Variants in NPY2R observed in about 807,000 individuals in gnomAD.
NPY2R encodes neuropeptide Y receptor Y2, also known as neuropeptide Y receptor type 2.
Under a neutral mutation model 22.3 loss-of-function variants are expected in NPY2R, and 17 were observed. That is an observed-to-expected ratio of 0.76 (90% CI 0.52 to 1.14). The LOEUF (loss-of-function observed/expected upper bound fraction) is 1.14, where lower values mean the gene tolerates loss of function less well. NPY2R is among the 50% of genes most tolerant of loss of function. The pLI, the probability that NPY2R is intolerant of heterozygous loss-of-function variation, is 0.00. For missense variants in NPY2R, 424 were observed against 467.9 expected (o/e 0.91, Z 0.87); for synonymous variants, 209 against 183.4 (o/e 1.14, Z -1.13).
At chr4:155,175,336 T>C in the NPY2R span, among the ~76,000 whole-genome samples, 3 of 152,110 alleles carry the variant, frequency 2.0e-5, no homozygotes, top group African/African-American at 4.8e-5. Flanking sequence ...TATTTAAAGT[T>C]TTTAAAAGTG....
chr4:155,211,610 A>G (rs1481105816), intron 1 of NPY2R, among the ~76,000 whole-genome samples: 2 of 152,352 alleles, frequency 1.3e-5, no homozygotes, highest in Non-Finnish European at 2.9e-5. Flanking sequence ...TAATGAAAGC[A>G]TACATGTATG....
At position 155,208,676 on chromosome 4, in the gene NPY2R, ACTT is replaced by A. The variant is rs1314990010; in HGVS notation, c.-439_-437del. On this transcript the variant is annotated 5_prime_UTR_variant, in exon 1 of 2. Transcript: ENST00000329476. This position sits in a 1 kb window ranked among gnomAD's most constrained non-coding sequence, Gnocchi z 5.6. Reference sequence around the variant, plus strand: ...CTGTTCCTGCTCCCTCGCCACCAAAACTTCTCCTCCAGTCCCCTCCCCTGCAGG... The same window carrying A: ...CTGTTCCTGCTCCCTCGCCACCAAAACTCCTCCAGTCCCCTCCCCTGCAGG... 1 of 152,426 alleles carries A rather than the reference ACTT, an allele frequency of 6.6e-6. No homozygotes were observed. The highest frequency in any genetic ancestry group is 1.5e-5 in the Non-Finnish European group (1 of 68,534). The allele number at this position is 152,426 out of a possible 1,614,324, so 9.4% of individuals were successfully genotyped here.
chr4:155,174,724 T>C, the NPY2R span, among the ~76,000 whole-genome samples: 1 of 151,660 alleles, frequency 6.6e-6, no homozygotes, highest in African/African-American at 2.4e-5. Context: ...TGGGAACAAG[T>C]GTAAAAAGTC....
Position 155,215,467 on chromosome 4 carries a change from G to A in NPY2R, c.*382G>A. The A allele has an allele frequency of 3.0e-6, 1 of 338,506 alleles. No homozygotes were observed. The highest frequency in any genetic ancestry group is 7.9e-5 in the East Asian group (1 of 12,644). The allele number at this position is 338,506 out of a possible 1,614,324, so 21.0% of individuals were successfully genotyped here. A position where few individuals can be genotyped will look rare whatever the true frequency, so the allele number is the denominator to read the frequency against. ...AAATCACGTTAGGACCTGGATTGAG[G>A]AGGTGTGCAGTTCGCTGCTCCCTGC... On this transcript the variant is annotated 3_prime_UTR_variant, in exon 2 of 2. Coordinates refer to ENST00000329476, the MANE Select transcript of NPY2R (RefSeq NM_000910.4).
the NPY2R span, among the ~76,000 whole-genome samples, chr4:155,190,404 T>C: frequency 6.6e-6 from 1 of 151,892 alleles, no homozygotes; most frequent in Non-Finnish European, 1.5e-5. Context: ...ATAGATTAAA[T>C]AAATGATCAA....
chr4:155,212,293 T>C (rs940551840), intron 1 of NPY2R, among the ~76,000 whole-genome samples: 4 of 152,216 alleles, frequency 2.6e-5, no homozygotes, highest in Non-Finnish European at 5.9e-5. Context: ...TGTTGGGCTC[T>C]GAATGCTTTA....
chr4:155,176,115 T>C, the NPY2R span, among the ~76,000 whole-genome samples: 3 of 152,202 alleles, frequency 2.0e-5, no homozygotes, highest in Non-Finnish European at 2.9e-5. Flanking sequence ...AGACATCTTA[T>C]CCATCATGTT....
the NPY2R span, among the ~76,000 whole-genome samples, chr4:155,191,977 C>T: frequency 6.6e-6 from 1 of 151,812 alleles, no homozygotes; most frequent in Non-Finnish European, 1.5e-5. Flanking sequence ...ATTTTAAAGT[C>T]ACCACTTTAT....
the NPY2R span, among the ~76,000 whole-genome samples, chr4:155,181,243 AC>A: frequency 6.6e-6 from 1 of 152,018 alleles, no homozygotes; most frequent in African/African-American, 2.4e-5. Context: ...GGATATCTAG[AC>A]TCTTTTGATC....
At chr4:155,211,536 G>A (rs1199482367) in intron 1 of NPY2R, among the ~76,000 whole-genome samples, 1 of 152,184 alleles carries the variant, frequency 6.6e-6, no homozygotes, top group East Asian at 1.9e-4. Flanking sequence ...AAGGAGTTGG[G>A]ATTTTCTTCT....
the NPY2R span, among the ~76,000 whole-genome samples, chr4:155,190,105 T>C: frequency 3.9e-5 from 6 of 152,028 alleles, no homozygotes; most frequent in Non-Finnish European, 8.8e-5. Context: ...CACTTAAATG[T>C]TTTTAAAACC....
At chr4:155,190,014 G>A in the NPY2R span, among the ~76,000 whole-genome samples, 1 of 151,946 alleles carries the variant, frequency 6.6e-6, no homozygotes, top group Non-Finnish European at 1.5e-5. Context: ...GGAAGTCACT[G>A]AATGTACATC....
At chr4:155,212,284 G>T (rs770741839) in intron 1 of NPY2R, among the ~76,000 whole-genome samples, 1 of 152,186 alleles carries the variant, frequency 6.6e-6, no homozygotes, top group African/African-American at 2.4e-5. Context: ...CCACCATGGT[G>T]TTGGGCTCTG....
intron 1 of NPY2R, among the ~76,000 whole-genome samples, chr4:155,212,090 G>T (rs901843510): frequency 6.6e-6 from 1 of 152,156 alleles, no homozygotes; most frequent in Non-Finnish European, 1.5e-5. Context: ...GAGCTGGGGG[G>T]CACATAGGCC....
Position 155,214,961 on chromosome 4 carries a change from G to A in NPY2R, c.1022G>A (p.Arg341His), listed in dbSNP as rs1343285211. 6.2e-6 allele frequency: 10 copies of A among 1,614,086 alleles called. No homozygotes were observed. The highest frequency in any genetic ancestry group is 3.3e-5 in the Admixed American group (2 of 60,014). Residue 341 changes from arginine (R) to histidine (H), a missense_variant, in exon 2 of 2, where the codon CGC (arginine) becomes CAC (histidine). By Grantham distance (29) the Arg-to-His change is conservative. Coordinates refer to ENST00000329476, the MANE Select transcript of NPY2R (RefSeq NM_000910.4). Reference sequence around the variant, plus strand: ...AGAAAGGCTTTCCTCTCGGCCTTCCGCTGTGAGCAGCGGTTGGATGCCATT... The same window carrying A: ...AGAAAGGCTTTCCTCTCGGCCTTCCACTGTGAGCAGCGGTTGGATGCCATT... ...NYRKAFLSAF[R>H]CEQRLDAIHS...
the NPY2R span, among the ~76,000 whole-genome samples, chr4:155,184,421 A>G: frequency 1.3e-5 from 2 of 152,232 alleles, no homozygotes; most frequent in South Asian, 4.1e-4. Flanking sequence ...GTTTTAAGTT[A>G]TCTCACATTA....
the NPY2R span, among the ~76,000 whole-genome samples, chr4:155,175,424 T>C: frequency 2.4e-4 from 37 of 152,264 alleles, no homozygotes; most frequent in Non-Finnish European, 4.0e-4. Flanking sequence ...GTACTATCTG[T>C]ATTAAAACCA....
chr4:155,188,754 A>G, the NPY2R span, among the ~76,000 whole-genome samples: 1 of 152,112 alleles, frequency 6.6e-6, no homozygotes, highest in Non-Finnish European at 1.5e-5. Context: ...GCTAGCAGCC[A>G]TCTGATCTTT....
At chr4:155,197,761 G>C in the NPY2R span, among the ~76,000 whole-genome samples, 2 of 151,178 alleles carry the variant, frequency 1.3e-5, no homozygotes, top group Non-Finnish European at 2.9e-5. Context: ...CATGGTCTGA[G>C]AGCAAAAACT....
Sources: allele counts gnomAD v4.1 joint callset (sites outside exome capture counted in the v4.1 genomes callset), GRCh38; gene constraint gnomAD v4.1.1; non-coding constraint Gnocchi (gnomAD v3.1); transcripts MANE v1.5; gene names NCBI Gene and HGNC (gene_info 2026-07-23, HGNC 2026-07-21).